Variants in UNG observed in about 807,000 individuals in gnomAD.
UNG encodes the protein uracil-DNA glycosylase.
A neutral mutation model predicts 36.5 loss-of-function variants in UNG; 34 were observed. That is an observed-to-expected ratio of 0.93 (90% confidence interval 0.71 to 1.24). The LOEUF is 1.24. Among genes scored for constraint, UNG ranks in the 50% most tolerant of loss-of-function variants. The pLI is 0.00. For synonymous variants in UNG, 172 were observed against 157.8 expected (o/e 1.09, Z -0.67); for missense variants, 391 against 397.6 (o/e 0.98, Z 0.14).
rs201388456 is a variant in UNG, at chr12:109,102,898, A to G, written c.593A>G (p.His198Arg). ...ATAGAGGATTTTGTTCATCCTGGCC[A>G]TGGAGATTTATCTGGGTGGGCCAAG... Reference protein sequence around the residue: ...TDIEDFVHPGHGDLSGWAKQG... With the variant: ...TDIEDFVHPGRGDLSGWAKQG... Residue 198 changes from histidine (H) to arginine (R), a missense_variant, in exon 5 of 7, where the codon CAT becomes CGT. Coordinates refer to ENST00000242576, the MANE Select transcript of UNG (RefSeq NM_080911.3). 322 of 1,609,602 alleles carry G rather than the reference A, an allele frequency of 2.0e-4. 1 individual carries two copies. The highest frequency in any genetic ancestry group is 2.6e-4 in the Non-Finnish European group (301 of 1,178,086).
intron 1 of UNG, 78 bp downstream of exon 1, chr12:109,097,889 G>A (rs1177795226): frequency 2.1e-5 from 30 of 1,429,530 alleles, no homozygotes; most frequent in Non-Finnish European, 2.6e-5. Context: ...AGGGCGTGCA[G>A]GATCGCGCCT....
chr12:109,101,183 C>G (rs1021544130), intron 3 of UNG, among the ~76,000 whole-genome samples: 10 of 137,654 alleles, frequency 7.3e-5, no homozygotes, highest in Admixed American at 6.4e-4. Context: ...ACCTCCACCC[C>G]CTGGGTTCAA....
chr12:109,109,847 C>G lies in UNG; in HGVS notation c.820C>G (p.Gln274Glu). ...AIDRKRHHVL[Q>E]TAHPSPLSVY... ...TTTTCAGAAGCGGCACCATGTACTA[C>G]AGACGGCTCATCCCTCCCCTTTGTC... Residue 274 changes from glutamine to glutamate, a missense_variant, in exon 7 of 7, where the codon CAG (glutamine) becomes GAG (glutamate). Coordinates refer to ENST00000242576, the MANE Select transcript of UNG (RefSeq NM_080911.3). 6.2e-7 allele frequency: 1 copy of G among 1,613,570 alleles called. No individual in the cohort carries two copies. The highest frequency in any genetic ancestry group is 1.1e-5 in the South Asian group (1 of 91,068).
intron 6 of UNG, among the ~76,000 whole-genome samples, chr12:109,108,331 C>G (rs907964057): frequency 9.3e-5 from 14 of 151,260 alleles, no homozygotes; most frequent in African/African-American, 3.2e-4. Context: ...TTTTTTCTTT[C>G]TTTAAGAGAC....
At chr12:109,108,927 T>C (rs1302436169) in intron 6 of UNG, among the ~76,000 whole-genome samples, 1 of 152,196 alleles carries the variant, frequency 6.6e-6, no homozygotes, top group Non-Finnish European at 1.5e-5. Context: ...CCACCGTGAC[T>C]GGCCCCGTTC....
chr12:109,103,047 G>T lies in UNG; in HGVS notation c.622+120G>T, dbSNP rs186828949. The T allele has an allele frequency of 4.3e-4, 332 of 774,826 alleles. No homozygotes were observed. The African/African-American group carries it at 4.7e-3, about 11-fold the overall frequency. The allele number at this position is 774,826 out of a possible 1,614,324, so 48.0% of individuals were successfully genotyped here. A position where few individuals can be genotyped will look rare whatever the true frequency, so the allele number is the denominator to read the frequency against. Reference sequence around the variant, plus strand: ...GCTTACTGCAACCTCTGCCTCCCAGGTTCAGGCGATTCTCATGCCTCAGCC... The same window carrying T: ...GCTTACTGCAACCTCTGCCTCCCAGTTTCAGGCGATTCTCATGCCTCAGCC... On this transcript the variant is annotated intron_variant, in intron 5 of 6. Coordinates refer to ENST00000242576, the MANE Select transcript of UNG (RefSeq NM_080911.3).
chr12:109,099,068 T>C, intron 2 of UNG, 121 bp from the exon 3 acceptor site: 1 of 1,009,056 alleles, frequency 9.9e-7, no homozygotes, highest in East Asian at 2.6e-5. Context: ...TAAAAGAATT[T>C]GGACATAACA....
At chr12:109,098,831 AAC>A (rs2042155315) in intron 2 of UNG, among the ~76,000 whole-genome samples, 193 bp downstream of exon 2, 1 of 152,160 alleles carries the variant, frequency 6.6e-6, no homozygotes, top group South Asian at 2.1e-4. Context: ...TAAAGTTGTT[AAC>A]GACCCGCGAG....
At chr12:109,104,717 G>A (rs1229626388) in intron 6 of UNG, among the ~76,000 whole-genome samples, 2 of 152,068 alleles carry the variant, frequency 1.3e-5, no homozygotes, top group African/African-American at 4.8e-5. Context: ...GGAAGGAGAC[G>A]AGCCAGGGGT....
In UNG at chr12:109,110,055, C is replaced by T. The variant is rs2042249734; in HGVS notation, c.*86C>T. On this transcript the variant is annotated 3_prime_UTR_variant, in exon 7 of 7. Transcript: ENST00000242576. ...TCCACTGAAAATTTTCCTATTAATTCTTAAGTACTCTGCATAAGGGGGAAA... is the reference window on the plus strand; with the variant it reads ...TCCACTGAAAATTTTCCTATTAATTTTTAAGTACTCTGCATAAGGGGGAAA... The T allele has an allele frequency of 6.3e-7, 1 of 1,582,554 alleles. No homozygotes were observed. Among genetic ancestry groups the T allele is most frequent in the African/African-American group, 1.3e-5 (1 of 74,378 alleles).
Position 109,101,890 on chromosome 12 carries a change from G to A in UNG, c.436-12G>A. Reference sequence around the variant, plus strand: ...CAGTATTGTTTAATTCCTGACCCCTGGTGGTTCACAGGTGAAGGTTGTCAT... The same window carrying A: ...CAGTATTGTTTAATTCCTGACCCCTAGTGGTTCACAGGTGAAGGTTGTCAT... On this transcript the variant is annotated splice_polypyrimidine_tract_variant and intron_variant, in intron 3 of 6. Coordinates refer to ENST00000242576, the MANE Select transcript of UNG (RefSeq NM_080911.3). 2 of 1,612,130 alleles carry A rather than the reference G, an allele frequency of 1.2e-6. No homozygotes were observed. Among genetic ancestry groups the A allele is most frequent in the Non-Finnish European group, 8.5e-7 (1 of 1,178,380 alleles).
chr12:109,097,939 C>T (rs2042143916), intron 1 of UNG, 128 bp downstream of exon 1: 1 of 1,319,042 alleles, frequency 7.6e-7, no homozygotes, highest in Middle Eastern at 2.7e-4. Flanking sequence ...CAAATAGCCT[C>T]CACGTGTTCA....
intron 6 of UNG, among the ~76,000 whole-genome samples, chr12:109,106,635 A>G (rs1390261955): frequency 6.6e-6 from 1 of 151,614 alleles, no homozygotes; most frequent in South Asian, 2.1e-4. Flanking sequence ...GTGGTGGCTC[A>G]TACCTGTTAT....
In UNG at chr12:109,110,191, C is replaced by T. The variant is rs893186042; in HGVS notation, c.*222C>T. On this transcript the variant is annotated 3_prime_UTR_variant, in exon 7 of 7. Coordinates refer to ENST00000242576, the MANE Select transcript of UNG (RefSeq NM_080911.3). ...AATGTCTTTCTCTGCAACATGGCTTCGGCCTAAAATATGCAGAAGACAGAT... is the reference window on the plus strand; with the variant it reads ...AATGTCTTTCTCTGCAACATGGCTTTGGCCTAAAATATGCAGAAGACAGAT... 1.7e-5 allele frequency: 10 copies of T among 598,902 alleles called. No individual in the cohort carries two copies. The highest frequency in any genetic ancestry group is 3.7e-5 in the African/African-American group (2 of 53,786). 37.1% of individuals were successfully genotyped at this position (598,902 alleles called of 1,614,324 possible). A position where few individuals can be genotyped will look rare whatever the true frequency, so the allele number is the denominator to read the frequency against.
rs777026848 is a variant in UNG, at chr12:109,103,509, G to A, written c.699G>A (p.Gln233=). The change falls in exon 6 of 7, where the codon CAG becomes CAA. Residue 233 remains glutamine, a synonymous_variant. Transcript: ENST00000242576. ...CTCATAAGGAGCGAGGCTGGGAGCAGTTCACTGATGCAGTTGTGTCCTGGC... is the reference window on the plus strand; with the variant it reads ...CTCATAAGGAGCGAGGCTGGGAGCAATTCACTGATGCAGTTGTGTCCTGGC... ...ANSHKERGWE[Q]FTDAVVSWLN... 3 of 1,614,226 alleles carry A rather than the reference G, an allele frequency of 1.9e-6. No homozygotes were observed. The highest frequency in any genetic ancestry group is 2.2e-5 in the South Asian group (2 of 91,088).
intron 3 of UNG, among the ~76,000 whole-genome samples, chr12:109,099,544 C>T (rs2042161289): frequency 6.6e-6 from 1 of 152,276 alleles, no homozygotes; most frequent in South Asian, 2.1e-4. Context: ...AAACTAACCT[C>T]CCGCGGTGTC....
Position 109,097,652 on chromosome 12 carries a change from G to T in UNG, c.-28G>T. ...CTAGCCTCGCCGGTTCCCGGGTGGC[G>T]CGCGTTCGCTGCCTCCTCAGCTCCA... On this transcript the variant is annotated 5_prime_UTR_variant, in exon 1 of 7. Transcript: ENST00000242576. The T allele has an allele frequency of 4.4e-6, 7 of 1,600,546 alleles. No homozygotes were observed. Among genetic ancestry groups the T allele is most frequent in the African/African-American group, 1.3e-5 (1 of 74,628 alleles).
Position 109,107,518 on chromosome 12 carries a change from C to CTTT in UNG, c.802-2289_802-2287dup, listed in dbSNP as rs34833015. On this transcript the variant is annotated intron_variant, in intron 6 of 6. Coordinates refer to ENST00000242576, the MANE Select transcript of UNG (RefSeq NM_080911.3). ...CCACACCTGGCCACTGACTATTCCT[C>CTTT]TTTTTTTTTTTTTTTTTTTTTTTTC... Among the ~76,000 whole-genome samples, 356 of 89,414 alleles carry CTTT rather than the reference C, an allele frequency of 4.0e-3. 5 individuals are homozygous for CTTT. Among genetic ancestry groups the CTTT allele is most frequent in the Non-Finnish European group, 5.2e-3 (250 of 48,146 alleles). The allele number at this position is 89,414 out of a possible 152,430, so 58.7% of individuals were successfully genotyped here. A position where few individuals can be genotyped will look rare whatever the true frequency, so the allele number is the denominator to read the frequency against.
At chr12:109,099,621 T>C (rs542345856) in intron 3 of UNG, among the ~76,000 whole-genome samples, 3 of 152,180 alleles carry the variant, frequency 2.0e-5, no homozygotes, top group African/African-American at 7.2e-5. Context: ...CAGCTTGTTA[T>C]AGTCAACCCC....
Sources: gnomAD v4.1 joint callset for allele counts (sites outside exome capture counted in the v4.1 genomes callset) on GRCh38, gnomAD v4.1.1 for gene constraint, MANE v1.5 for transcripts, NCBI Gene and HGNC (gene_info 2026-07-23, HGNC 2026-07-21) for gene names.